The following FIGNL2 variants were observed in gnomAD, a reference collection of about 807,000 sequenced individuals.
FIGNL2 encodes fidgetin-like protein 2.
For missense variants in FIGNL2, 1,060 were observed against 950.2 expected (o/e 1.12, Z -1.52); for synonymous variants, 565 against 484.0 (o/e 1.17, Z -2.20).
At chr12:51,827,437 A>G (rs1233931669) in intron 1 of FIGNL2, among the ~76,000 whole-genome samples, 1 of 151,308 alleles carries the variant, frequency 6.6e-6, no homozygotes, top group Non-Finnish European at 1.5e-5. Flanking sequence ...TATTGGCCAG[A>G]CTGGTCTCAA....
At chr12:51,836,508 G>A (rs1425186503) in intron 1 of FIGNL2, among the ~76,000 whole-genome samples, 2 of 152,176 alleles carry the variant, frequency 1.3e-5, no homozygotes, top group Admixed American at 6.5e-5. Flanking sequence ...AGTCTCTCAT[G>A]TCCAGCCTTG....
chr12:51,847,523 C>T, intron 1 of FIGNL2: 1 of 985,462 alleles, frequency 1.0e-6, no homozygotes, highest in African/African-American at 1.7e-5. Flanking sequence ...GACAGCCCTA[C>T]GGCCTAATCC....
chr12:51,848,607 G>A lies in FIGNL2; in HGVS notation c.-79C>T, dbSNP rs1939802546. On this transcript the variant is annotated 5_prime_UTR_variant, in exon 1 of 2. Transcript: ENST00000618634. ...GGGGCGCGTCCGGCCCGGGGACCGG[G>A]GCGGCGGCGCGGGCCGGGGGCGACA... The A allele has an allele frequency of 1.1e-6, 1 of 920,922 alleles. No individual in the cohort carries two copies. Among genetic ancestry groups the A allele is most frequent in the East Asian group, 1.2e-4 (1 of 8,426 alleles). 57.0% of individuals were successfully genotyped at this position (920,922 alleles called of 1,614,324 possible). A position where few individuals can be genotyped will look rare whatever the true frequency, so the allele number is the denominator to read the frequency against.
intron 1 of FIGNL2, among the ~76,000 whole-genome samples, chr12:51,832,807 G>T (rs1366754730): frequency 6.6e-6 from 1 of 152,042 alleles, no homozygotes; most frequent in African/African-American, 2.4e-5. Flanking sequence ...ATATTTAATT[G>T]GCATAATTAA....
At chr12:51,845,601 T>C in intron 1 of FIGNL2, 1 of 985,394 alleles carries the variant, frequency 1.0e-6, no homozygotes, top group Non-Finnish European at 1.2e-6. Flanking sequence ...CTGGTTTTCA[T>C]TAAATCGGGT....
At chr12:51,828,932 A>G (rs1413918748) in intron 1 of FIGNL2, among the ~76,000 whole-genome samples, 1 of 152,246 alleles carries the variant, frequency 6.6e-6, no homozygotes, top group African/African-American at 2.4e-5. Flanking sequence ...CCAACAACAC[A>G]GCATCAACAC....
intron 1 of FIGNL2, chr12:51,845,810 T>G (rs1037487360): frequency 4.2e-6 from 1 of 238,022 alleles, no homozygotes; most frequent in Non-Finnish European, 6.8e-6. Flanking sequence ...GCCCAGATAA[T>G]AAGCAATTGT....
intron 1 of FIGNL2, chr12:51,848,230 G>T (rs1024229215): frequency 1.0e-6 from 1 of 983,958 alleles, no homozygotes; most frequent in African/African-American, 1.8e-5. Context: ...AGACGCCCCC[G>T]AGCCGGCTGC....
chr12:51,848,461 C>A, intron 1 of FIGNL2, 79 bp downstream of exon 1: 1 of 982,286 alleles, frequency 1.0e-6, no homozygotes, highest in Non-Finnish European at 1.2e-6. Flanking sequence ...CGGCCCCGGG[C>A]CGGCGGACAA....
At chr12:51,823,633 T>A (rs1251319455) in intron 1 of FIGNL2, 1 of 152,216 alleles carries the variant, frequency 6.6e-6, no homozygotes, top group African/African-American at 2.4e-5. Context: ...TGGGCCAGCC[T>A]GATAAAATAT....
At chr12:51,847,379 G>A (rs1939773151) in intron 1 of FIGNL2, 2 of 985,326 alleles carry the variant, frequency 2.0e-6, no homozygotes, top group South Asian at 4.7e-5. Context: ...GCTGGAACCG[G>A]GTCCCCACTC....
chr12:51,844,746 T>C, intron 1 of FIGNL2: 4 of 985,310 alleles, frequency 4.1e-6, no homozygotes, highest in Non-Finnish European at 4.8e-6. Context: ...AAAAAAAAGC[T>C]GGACAGCCTC....
At position 51,820,418 on chromosome 12, in the gene FIGNL2, G is replaced by C; in HGVS notation, c.*34C>G. 1 of 1,566,426 alleles carries C rather than the reference G, an allele frequency of 6.4e-7. No individual in the cohort carries two copies. The highest frequency in any genetic ancestry group is 8.6e-7 in the Non-Finnish European group (1 of 1,164,444). On this transcript the variant is annotated 3_prime_UTR_variant, in exon 2 of 2. Coordinates refer to ENST00000618634, the MANE Select transcript of FIGNL2 (RefSeq NM_001384995.1). The stretch of plus-strand genomic sequence containing the variant: ...CCACGCGGAGGCGGCGGGGACGGAG[G>C]GACTGCGGCTCCCGCGGCCTCCCCC...
In FIGNL2 at chr12:51,843,913, A is replaced by AC. The variant is rs1339171167; in HGVS notation, c.-12+4626_-12+4627insG. 7.5e-5 allele frequency among the ~76,000 whole-genome samples: 11 copies of AC among 146,230 alleles called. 1 individual carries two copies. Among genetic ancestry groups the AC allele is most frequent in the Non-Finnish European group, 6.1e-5 (4 of 65,934 alleles). On this transcript the variant is annotated intron_variant, in intron 1 of 1. Transcript: ENST00000618634. The stretch of plus-strand genomic sequence containing the variant: ...ACATAGTGAGACCACCGCCTCTACA[A>AC]TTTTTTTTTTTTAAGATGACTTGGG...
At position 51,821,652 on chromosome 12, in the gene FIGNL2, C is replaced by G; in HGVS notation, c.762G>C (p.Thr254=). ...GCCCGGATTCGGCACCCGGCGCGGC[C>G]GTGGGGAAGCCATAGGCGGTGGGCG... ...PAPPTAYGFP[T]AAPGAESGLS... Residue 254 remains threonine (T), a synonymous_variant, in exon 2 of 2, where the codon ACG becomes ACC. Coordinates refer to ENST00000618634, the MANE Select transcript of FIGNL2 (RefSeq NM_001384995.1). 6.8e-7 allele frequency: 1 copy of G among 1,461,782 alleles called. No homozygotes were observed. 90.6% of individuals were successfully genotyped at this position (1,461,782 alleles called of 1,614,324 possible).
chr12:51,829,991 A>T (rs991970316), intron 1 of FIGNL2, among the ~76,000 whole-genome samples: 1 of 152,160 alleles, frequency 6.6e-6, no homozygotes, highest in Admixed American at 6.5e-5. Context: ...TGTATACTTG[A>T]AGATTACTGA....
At chr12:51,831,581 G>A (rs1377524349) in intron 1 of FIGNL2, among the ~76,000 whole-genome samples, 2 of 152,288 alleles carry the variant, frequency 1.3e-5, no homozygotes, top group Non-Finnish European at 2.9e-5. Flanking sequence ...ACCCCTGAGC[G>A]GGGCATGAGA....
intron 1 of FIGNL2, among the ~76,000 whole-genome samples, chr12:51,826,702 C>G (rs1184983325): frequency 6.6e-6 from 1 of 151,104 alleles, no homozygotes; most frequent in East Asian, 1.9e-4. Context: ...GCAACTTCTG[C>G]TAAACTTAGT....
chr12:51,829,935 A>G (rs1289776406), intron 1 of FIGNL2, among the ~76,000 whole-genome samples: 1 of 152,192 alleles, frequency 6.6e-6, no homozygotes, highest in Non-Finnish European at 1.5e-5. Flanking sequence ...AGTAAGTTCA[A>G]GAGATCTATT....
Sources: allele counts gnomAD v4.1 joint callset (sites outside exome capture counted in the v4.1 genomes callset), GRCh38; gene constraint gnomAD v4.1.1; transcripts MANE v1.5; gene names NCBI Gene and HGNC (gene_info 2026-07-23, HGNC 2026-07-21).